IGFL4: variants seen among roughly 807,000 people sequenced by gnomAD.
The protein encoded by IGFL4 is IGF like family member 4.
In IGFL4, 12 loss-of-function variants were observed where a neutral mutation model predicts 15.4. The observed-to-expected ratio is 0.78, with a 90% CI of 0.50 to 1.26. The LOEUF is 1.26. Among genes scored for constraint, IGFL4 ranks in the 50% most tolerant of loss-of-function variants. The pLI, the probability that IGFL4 is intolerant of heterozygous loss-of-function variation, is 0.00. For missense variants in IGFL4, 126 were observed against 147.8 expected, an observed-to-expected ratio of 0.85 and a Z score of 0.76; for synonymous variants, 54 against 55.9, an observed-to-expected ratio of 0.97 and a Z score of 0.16.
At chr19:46,060,158 A>G (rs1969431224) in intron 2 of IGFL4, 1 of 152,242 alleles carries the variant, frequency 6.6e-6, no homozygotes. Context: ...GCAAATAACT[A>G]TATTGCTATA....
chr19:46,069,190 G>A (rs1480639649), intron 1 of IGFL4, among the ~76,000 whole-genome samples: 2 of 152,168 alleles, frequency 1.3e-5, no homozygotes, highest in Non-Finnish European at 2.9e-5. Context: ...CAGAGGCCAG[G>A]CACTGCCAAT....
intron 1 of IGFL4, among the ~76,000 whole-genome samples, chr19:46,070,900 GA>G (rs1329513937): frequency 7.9e-5 from 12 of 152,044 alleles, no homozygotes; most frequent in Non-Finnish European, 1.8e-4. Flanking sequence ...GTATTTGGGG[GA>G]AAAATTAATC....
chr19:46,042,141 G>T (rs1969252550), upstream of IGFL4, among the ~76,000 whole-genome samples: 1 of 46,690 alleles, frequency 2.1e-5, no homozygotes, highest in Non-Finnish European at 4.0e-5. Context: ...ACTCCAGCCT[G>T]GCCTCTCCTT....
chr19:46,058,089 C>G (rs1420618836), intron 2 of IGFL4: 1 of 152,032 alleles, frequency 6.6e-6, no homozygotes, highest in Non-Finnish European at 1.5e-5. Flanking sequence ...TCAGCATAAA[C>G]TTAAAAGTCC....
At chr19:46,071,587 C>T (rs10425314) in intron 1 of IGFL4, among the ~76,000 whole-genome samples, 1 of 152,190 alleles carries the variant, frequency 6.6e-6, no homozygotes, top group East Asian at 1.9e-4. Flanking sequence ...TGTGAAACCA[C>T]GACTCCTGAA....
At chr19:46,056,548 C>A (rs1328399226) in intron 2 of IGFL4, among the ~76,000 whole-genome samples, 1 of 152,200 alleles carries the variant, frequency 6.6e-6, no homozygotes, top group African/African-American at 2.4e-5. Context: ...TCTGCTGTGA[C>A]ATTCTGGAGA....
At chr19:46,049,067 C>G (rs1005786639) in intron 2 of IGFL4, among the ~76,000 whole-genome samples, 1 of 152,188 alleles carries the variant, frequency 6.6e-6, no homozygotes, top group Non-Finnish European at 1.5e-5. Context: ...GGTATAAGAA[C>G]AGACACATAG....
rs1969234411 is a variant in IGFL4 at position 46,040,754 on chromosome 19, A to G, written c.20-186T>C. The G allele has an allele frequency of 1.1e-5, 10 of 944,678 alleles. No homozygotes were observed. The highest frequency in any genetic ancestry group is 1.7e-5 in the Non-Finnish European group (10 of 604,108). 58.5% of individuals were successfully genotyped at this position (944,678 alleles called of 1,614,324 possible). A position where few individuals can be genotyped will look rare whatever the true frequency, so the allele number is the denominator to read the frequency against. On this transcript the variant is annotated intron_variant, in intron 1 of 3. Transcript: ENST00000377697. This position sits in a 1 kb window ranked among gnomAD's most constrained non-coding sequence, Gnocchi z 4.1. ...GAGGAAAGGCAGGGAGGGCTCTGGG[A>G]AAAGTTAAGCTTCTGGAATTTGCAG... is the stretch of plus-strand genomic sequence containing the variant.
intron 2 of IGFL4, among the ~76,000 whole-genome samples, chr19:46,052,540 G>T (rs1481230493): frequency 6.6e-6 from 1 of 152,064 alleles, no homozygotes; most frequent in Non-Finnish European, 1.5e-5. Context: ...TGGCCAACAT[G>T]GTGAAACCCC....
At chr19:46,052,966 G>GAA (rs71175255) in intron 2 of IGFL4, among the ~76,000 whole-genome samples, 19 of 112,438 alleles carry the variant, frequency 1.7e-4, no homozygotes, top group South Asian at 3.0e-4. Flanking sequence ...AGTCAGAAAA[G>GAA]AAAAAAAAAA....
rs185628130 is a variant in IGFL4 at position 46,056,732 on chromosome 19, C to A, written c.-323+3453G>T. ...GGGCTGCAAGCCCGTCCAGGCAAGT[C>A]CTCCCTTTGAGCTGGAATTCTTTTT... On this transcript the variant is annotated intron_variant, in intron 2 of 5. Transcript: ENST00000601672. Among the ~76,000 whole-genome samples the A allele has an allele frequency of 1.1e-3, 161 of 152,318 alleles. 1 individual carries two copies. The highest frequency in any genetic ancestry group is 3.7e-3 in the African/African-American group (153 of 41,568).
At position 46,040,599 on chromosome 19, in the gene IGFL4, C is replaced by T. The variant is rs769046227; in HGVS notation, c.20-31G>A. On this transcript the variant is annotated intron_variant, in intron 1 of 3. Coordinates refer to ENST00000377697, the MANE Select transcript of IGFL4 (RefSeq NM_001002923.3). The surrounding 1 kb of genome is among the most constrained non-coding windows in gnomAD (Gnocchi z 4.1). The stretch of plus-strand genomic sequence containing the variant: ...AAGCAGAAGGAGAGCGAGAATGATT[C>T]TGAGGTCACTAGGTCTTGACCACGG... The T allele has an allele frequency of 5.0e-6, 8 of 1,612,714 alleles. No individual in the cohort carries two copies. The South Asian group carries it at 6.6e-5, about 13-fold the overall frequency.
Position 46,052,853 on chromosome 19 carries a change from T to C in IGFL4, c.-323+7332A>G, listed in dbSNP as rs560967645. Among the ~76,000 whole-genome samples the C allele has an allele frequency of 2.0e-3, 298 of 148,944 alleles. 1 individual carries two copies. Among genetic ancestry groups the C allele is most frequent in the Admixed American group, 4.2e-3 (62 of 14,684 alleles). Reference sequence around the variant, plus strand: ...TATTCCCTAGAATTCTACAGGTATTTATATGTTATCTCGTTTTTTTTTTTT... The same window carrying C: ...TATTCCCTAGAATTCTACAGGTATTCATATGTTATCTCGTTTTTTTTTTTT... On this transcript the variant is annotated intron_variant, in intron 2 of 5. Coordinates refer to the IGFL4 transcript ENST00000601672.
chr19:46,051,011 A>G (rs1173149325), intron 2 of IGFL4, among the ~76,000 whole-genome samples: 1 of 152,242 alleles, frequency 6.6e-6, no homozygotes, highest in African/African-American at 2.4e-5. Context: ...TTGAGGTCCT[A>G]TCTTTAGTCT....
intron 1 of IGFL4, among the ~76,000 whole-genome samples, chr19:46,072,095 T>C (rs1969551785): frequency 6.6e-6 from 1 of 152,236 alleles, no homozygotes; most frequent in East Asian, 1.9e-4. Context: ...ACGAGACTAC[T>C]TTTCCTGCTA....
Position 46,061,804 on chromosome 19 carries a change from G to C in IGFL4, c.-431-1511C>G, listed in dbSNP as rs538420336. 3.9e-5 allele frequency among the ~76,000 whole-genome samples: 6 copies of C among 152,256 alleles called. No individual in the cohort carries two copies. The East Asian group carries it at 1.2e-3, about 29-fold the overall frequency. ...ATTTCCATACTTTTTAGGTGGTCAA[G>C]AGCATGCTTTTCTGTTCCAAGAAAA... On this transcript the variant is annotated intron_variant, in intron 1 of 5. Coordinates refer to the IGFL4 transcript ENST00000601672.
chr19:46,039,523 A>G lies in IGFL4; in HGVS notation c.*369T>C, dbSNP rs1269630505. Among the ~76,000 whole-genome samples, 1 of 126,780 alleles carries G rather than the reference A, an allele frequency of 7.9e-6. No individual in the cohort carries two copies. The highest frequency in any genetic ancestry group is 1.6e-5 in the Non-Finnish European group (1 of 60,610). The allele number at this position is 126,780 out of a possible 152,430, so 83.2% of individuals were successfully genotyped here. ...ACGATATTGATTCTTCCTACCCATG[A>G]GCATGGAATGTTCTTCCATTTGTTT... On this transcript the variant is annotated 3_prime_UTR_variant, in exon 4 of 4. Transcript: ENST00000377697.
chr19:46,050,030 T>C (rs951603493), intron 2 of IGFL4, among the ~76,000 whole-genome samples: 2 of 152,176 alleles, frequency 1.3e-5, no homozygotes, highest in Non-Finnish European at 2.9e-5. Context: ...TGGAGTCCTG[T>C]AGCTCCACTG....
intron 2 of IGFL4, among the ~76,000 whole-genome samples, chr19:46,054,253 T>C (rs1369614692): frequency 3.9e-5 from 6 of 152,198 alleles, no homozygotes; most frequent in Non-Finnish European, 8.8e-5. Flanking sequence ...TACATGTAAA[T>C]CTTTGAATCA....
Sources: gnomAD v4.1 joint callset for allele counts (sites outside exome capture counted in the v4.1 genomes callset) on GRCh38, gnomAD v4.1.1 for gene constraint, Gnocchi (gnomAD v3.1) non-coding constraint, MANE v1.5 for transcripts, NCBI Gene and HGNC (gene_info 2026-07-23, HGNC 2026-07-21) for gene names.